CAVIN4: variants seen among roughly 807,000 people sequenced by gnomAD.
CAVIN4 encodes caveolae associated protein 4.
A neutral mutation model predicts 18.6 loss-of-function variants in CAVIN4; 10 were observed. The ratio of observed to expected loss-of-function variants is 0.54; its 90% CI spans 0.33 to 0.91. CAVIN4 has a LOEUF of 0.91. CAVIN4 is among the 40% of genes least tolerant of loss of function. The pLI is 0.02. For synonymous variants in CAVIN4, 173 were observed against 164.8 expected (o/e 1.05, Z -0.38); for missense variants, 459 against 440.5 (o/e 1.04, Z -0.38).
Position 100,588,125 on chromosome 9 carries a change from G to A in CAVIN4, c.*1674G>A, listed in dbSNP as rs1173293021. Among the ~76,000 whole-genome samples, 1 of 152,144 alleles carries A rather than the reference G, an allele frequency of 6.6e-6. No individual in the cohort carries two copies. The highest frequency in any genetic ancestry group is 2.4e-5 in the African/African-American group (1 of 41,428). On this transcript the variant is annotated 3_prime_UTR_variant, in exon 2 of 2. Transcript: ENST00000307584. ...TATACACACAGGCATACATAAATCG[G>A]CTTTAAAATATTTGACTCAGTTACT...
chr9:100,586,141 CA>C lies in CAVIN4; in HGVS notation c.786del (p.Ala263LeufsTer78). On this transcript the variant is annotated frameshift_variant, in exon 2 of 2. Coordinates refer to ENST00000307584, the MANE Select transcript of CAVIN4 (RefSeq NM_001018116.2). The part of the protein sequence containing the change: ...GERFKKSISN[A>X]APSKEAFKMR... ...AGGTTTAAGAAATCTATTTCTAATG[CA>C]GCTCCCTCAAAGGAAGCTTTTAAGA... The C allele has an allele frequency of 5.7e-6, 9 of 1,578,006 alleles. No individual in the cohort carries two copies. Among genetic ancestry groups the C allele is most frequent in the Non-Finnish European group, 7.7e-6 (9 of 1,164,258 alleles).
intron 1 of CAVIN4, among the ~76,000 whole-genome samples, chr9:100,585,012 T>A (rs896225372): frequency 6.6e-5 from 10 of 152,216 alleles, no homozygotes; most frequent in Admixed American, 3.3e-4. Flanking sequence ...CTGAAGAATT[T>A]GAGCTCTTCG....
At chr9:100,582,116 G>T (rs141007446) in intron 1 of CAVIN4, among the ~76,000 whole-genome samples, 1 of 152,066 alleles carries the variant, frequency 6.6e-6, no homozygotes. Flanking sequence ...TGGATCTCAC[G>T]TGGGGGCACA....
At chr9:100,582,742 A>G (rs1839440998) in intron 1 of CAVIN4, among the ~76,000 whole-genome samples, 2 of 150,970 alleles carry the variant, frequency 1.3e-5, no homozygotes, top group Admixed American at 6.6e-5. Flanking sequence ...TTCTTTTCTC[A>G]TTTCTTCCTT....
At position 100,586,297 on chromosome 9, in the gene CAVIN4, T is replaced by G; in HGVS notation, c.941T>G (p.Leu314Arg). Residue 314 changes from leucine to arginine, a missense_variant, in exon 2 of 2, where the codon CTC (leucine) becomes CGC (arginine). Transcript: ENST00000307584. ...GPISELYSDE[L>R]SEPEHEAARP... ...ATCAGTGAGCTCTACTCTGATGAGC[T>G]CAGTGAACCAGAACACGAGGCAGCC... The G allele has an allele frequency of 6.2e-7, 1 of 1,612,954 alleles. No homozygotes were observed. The highest frequency in any genetic ancestry group is 8.5e-7 in the Non-Finnish European group (1 of 1,179,336).
chr9:100,578,081 CTT>C lies in CAVIN4; in HGVS notation c.-59_-58del. On this transcript the variant is annotated 5_prime_UTR_variant, in exon 1 of 2. Transcript: ENST00000307584. ...ACCCTGTTGCCTGTTATCAAGCTGA[CTT>C]TTTGCTCCAAGTGCCAGAATTGATT... 6.3e-7 allele frequency: 1 copy of C among 1,583,046 alleles called. No homozygotes were observed. Among genetic ancestry groups the C allele is most frequent in the Non-Finnish European group, 8.6e-7 (1 of 1,156,450 alleles).
chr9:100,577,218 G>A (rs1021700291), upstream of CAVIN4: 1 of 152,562 alleles, frequency 6.6e-6, no homozygotes, highest in African/African-American at 2.4e-5. Flanking sequence ...ATGAAAAGTA[G>A]ATATAGATAT....
Position 100,584,748 on chromosome 9 carries a change from G to A in CAVIN4, c.409-1017G>A, listed in dbSNP as rs530681071. ...ATGTCAGAAACTTCTGGGTATGGTA[G>A]CATGTGCCTGTAGTCCCAGCTACTT... On this transcript the variant is annotated intron_variant, in intron 1 of 1. Coordinates refer to ENST00000307584, the MANE Select transcript of CAVIN4 (RefSeq NM_001018116.2). Among the ~76,000 whole-genome samples, 150 of 152,344 alleles carry A rather than the reference G, an allele frequency of 9.8e-4. 1 individual carries two copies. Among genetic ancestry groups the A allele is most frequent in the South Asian group, 2.1e-3 (10 of 4,830 alleles).
In CAVIN4 at chr9:100,578,394, A is replaced by G. The variant is rs750231289; in HGVS notation, c.251A>G (p.His84Arg). 1 of 1,614,206 alleles carries G rather than the reference A, an allele frequency of 6.2e-7. No individual in the cohort carries two copies. The highest frequency in any genetic ancestry group is 2.2e-5 in the East Asian group (1 of 44,882). ...TCACAGTCGCATAGCAATACAGGGC[A>G]TATCATTAACAAATTGTTTGAGAAA... ...KLSQSHSNTGHIINKLFEKTR... is the reference protein window; with the variant it reads ...KLSQSHSNTGRIINKLFEKTR... Residue 84 changes from histidine to arginine, a missense_variant, in exon 1 of 2, where the codon CAT becomes CGT. His to Arg is a conservative substitution (Grantham distance 29). Transcript: ENST00000307584.
intron 1 of CAVIN4, among the ~76,000 whole-genome samples, chr9:100,582,536 T>C (rs905112685): frequency 6.6e-6 from 1 of 152,156 alleles, no homozygotes; most frequent in African/African-American, 2.4e-5. Context: ...CGTGGAGGTC[T>C]CACTTTGTTG....
At chr9:100,585,067 G>A (rs1277536223) in intron 1 of CAVIN4, among the ~76,000 whole-genome samples, 4 of 152,196 alleles carry the variant, frequency 2.6e-5, no homozygotes, top group African/African-American at 9.6e-5. Flanking sequence ...GAGAAAAGAT[G>A]TGATCAAAGC....
rs146010199 is a variant in CAVIN4 at position 100,588,206 on chromosome 9, A to C, written c.*1755A>C. On this transcript the variant is annotated 3_prime_UTR_variant, in exon 2 of 2. Transcript: ENST00000307584. The stretch of plus-strand genomic sequence containing the variant: ...CATCATTTCCTCTTCACCTTGCATG[A>C]ATACATGAAATCATAATATCGTTCA... 3.8e-4 allele frequency among the ~76,000 whole-genome samples: 58 copies of C among 152,360 alleles called. No homozygotes were observed. Among genetic ancestry groups the C allele is most frequent in the African/African-American group, 1.3e-3 (56 of 41,590 alleles).
At chr9:100,577,052 T>G (rs1239289005), upstream of CAVIN4, 1 of 154,320 alleles carries the variant, frequency 6.5e-6, no homozygotes, top group South Asian at 2.0e-4. Flanking sequence ...AGTAACTGAT[T>G]TTTTAGACAC....
intron 1 of CAVIN4, among the ~76,000 whole-genome samples, chr9:100,582,949 A>T (rs867178464): frequency 2.0e-5 from 3 of 152,072 alleles, no homozygotes; most frequent in Non-Finnish European, 4.4e-5. Flanking sequence ...TTTGCCACAG[A>T]AATGTTTCTT....
At chr9:100,580,858 C>G (rs2483624) in intron 1 of CAVIN4, among the ~76,000 whole-genome samples, 1 of 152,028 alleles carries the variant, frequency 6.6e-6, no homozygotes, top group African/African-American at 2.4e-5. Flanking sequence ...GGACATAGAA[C>G]TCTGATTCAA....
chr9:100,578,527 C>G lies in CAVIN4; in HGVS notation c.384C>G (p.Asn128Lys), dbSNP rs143268013. The change falls in exon 1 of 2, where the codon AAC (asparagine) becomes AAG (lysine). Residue 128 changes from asparagine (N) to lysine (K), a missense_variant. Transcript: ENST00000307584. ...AGCAAGAGGAAATAATGAAGAAAAA[C>G]AAATTCCGCGTGGTAATATTCCAGG... The part of the protein sequence containing the change: ...EVKQEEIMKK[N>K]KFRVVIFQEK... The G allele has an allele frequency of 8.9e-5, 144 of 1,613,352 alleles. No individual in the cohort carries two copies. In the African/African-American group the frequency reaches 1.0e-3, roughly 12 times the overall value.
At position 100,578,325 on chromosome 9, in the gene CAVIN4, T is replaced by C; in HGVS notation, c.182T>C (p.Met61Thr). Reference protein sequence around the residue: ...QKRIEERHREMENAIKSVQID... With the variant: ...QKRIEERHRETENAIKSVQID... ...AGAATAGAAGAGAGACACAGGGAAA[T>C]GGAAAATGCCATAAAATCCGTCCAG... The change falls in exon 1 of 2, where the codon ATG (methionine) becomes ACG (threonine). Residue 61 changes from methionine (M) to threonine (T), a missense_variant. Physicochemically the swap from Met to Thr is moderately conservative, Grantham distance 81 (BLOSUM62 -1). Transcript: ENST00000307584. The C allele has an allele frequency of 6.2e-7, 1 of 1,613,966 alleles. No homozygotes were observed. Among genetic ancestry groups the C allele is most frequent in the Non-Finnish European group, 8.5e-7 (1 of 1,179,962 alleles).
chr9:100,586,131 A>G lies in CAVIN4; in HGVS notation c.775A>G (p.Ile259Val), dbSNP rs765728679. The G allele has an allele frequency of 1.3e-5, 21 of 1,586,914 alleles. No homozygotes were observed. The highest frequency in any genetic ancestry group is 2.7e-5 in the African/African-American group (2 of 73,520). The part of the protein sequence containing the change: ...RQSGERFKKS[I>V]SNAAPSKEAF... The stretch of plus-strand genomic sequence containing the variant: ...GTCAGGGGAGAGGTTTAAGAAATCT[A>G]TTTCTAATGCAGCTCCCTCAAAGGA... The change falls in exon 2 of 2, where the codon ATT (isoleucine) becomes GTT (valine). Residue 259 changes from isoleucine to valine, a missense_variant. Physicochemically the swap from Ile to Val is conservative, Grantham distance 29. Coordinates refer to ENST00000307584, the MANE Select transcript of CAVIN4 (RefSeq NM_001018116.2).
intron 1 of CAVIN4, 136 bp downstream of exon 1, chr9:100,578,687 C>A (rs1329033026): frequency 3.6e-6 from 3 of 841,408 alleles, no homozygotes; most frequent in Non-Finnish European, 3.9e-6. Flanking sequence ...GTATTAGCAG[C>A]AATCTCAGGA....
Sources: gnomAD v4.1 joint callset for allele counts (sites outside exome capture counted in the v4.1 genomes callset) on GRCh38, gnomAD v4.1.1 for gene constraint, MANE v1.5 for transcripts, NCBI Gene and HGNC (gene_info 2026-07-23, HGNC 2026-07-21) for gene names.